Variants in LINGO2 observed in about 807,000 individuals in gnomAD.
The protein encoded by LINGO2 is leucine rich repeat and Ig domain containing 2, also known as leucine-rich repeat and immunoglobulin-like domain-containing nogo receptor-interacting protein 2.
In LINGO2, 14 loss-of-function variants were observed where a neutral mutation model predicts 30.6. The observed-to-expected ratio is 0.46, with a 90% CI of 0.30 to 0.72. The LOEUF (loss-of-function observed/expected upper bound fraction) is 0.72, where lower values mean the gene tolerates loss of function less well. Among genes scored for constraint, LINGO2 ranks in the 30% least tolerant of loss-of-function variants. The probability of loss-of-function intolerance (pLI) is 0.07; values close to 1 mark genes in which losing one functional copy is unlikely to be tolerated. For missense variants in LINGO2, 729 were observed against 751.7 expected (o/e 0.97, Z 0.35); for synonymous variants, 317 against 288.5 (o/e 1.10, Z -1.00).
chr9:28,721,535 C>A, the LINGO2 span, among the ~76,000 whole-genome samples: 13 of 152,092 alleles, frequency 8.5e-5, no homozygotes, highest in African/African-American at 2.9e-4. Context: ...TGGAAACCAT[C>A]ATTCTCAGAA....
At chr9:28,756,634 A>G in the LINGO2 span, among the ~76,000 whole-genome samples, 1 of 151,986 alleles carries the variant, frequency 6.6e-6, no homozygotes, top group African/African-American at 2.4e-5. Context: ...GAGGGACCAC[A>G]TGAGAGAGGT....
chr9:27,984,236 A>G (rs1243690123), intron 5 of LINGO2, among the ~76,000 whole-genome samples: 1 of 151,866 alleles, frequency 6.6e-6, no homozygotes, highest in Non-Finnish European at 1.5e-5. Context: ...AAATTGATCT[A>G]TGAGGGTAAC....
intron 4 of LINGO2, among the ~76,000 whole-genome samples, chr9:28,043,944 T>C (rs944273588): frequency 3.9e-5 from 6 of 152,234 alleles, no homozygotes; most frequent in African/African-American, 1.2e-4. Context: ...ATTGTTCTAT[T>C]GCAGTTGGTT....
At chr9:28,555,535 C>G in intron 1 of LINGO2, among the ~76,000 whole-genome samples, 2 of 151,934 alleles carry the variant, frequency 1.3e-5, no homozygotes, top group Non-Finnish European at 2.9e-5. Flanking sequence ...AGTCCAGGAC[C>G]AGATGGATTC....
chr9:29,191,274 A>G, the LINGO2 span, among the ~76,000 whole-genome samples: 1 of 152,170 alleles, frequency 6.6e-6, no homozygotes, highest in African/African-American at 2.4e-5. Flanking sequence ...TATTGCTATG[A>G]CTTTGGTATA....
the LINGO2 span, among the ~76,000 whole-genome samples, chr9:28,871,424 T>TG: frequency 6.6e-6 from 1 of 151,524 alleles, no homozygotes; most frequent in Non-Finnish European, 1.5e-5. Flanking sequence ...GAATGGAAAG[T>TG]GGGAGGGAAA....
the LINGO2 span, among the ~76,000 whole-genome samples, chr9:28,808,123 T>TG: frequency 6.6e-6 from 1 of 152,180 alleles, no homozygotes; most frequent in Non-Finnish European, 1.5e-5. Context: ...GTTTTTTCTC[T>TG]CAATGCCATT....
At chr9:29,079,240 A>G in the LINGO2 span, among the ~76,000 whole-genome samples, 321 of 152,136 alleles carry the variant, frequency 2.1e-3, 2 homozygotes, top group Non-Finnish European at 2.2e-3. Context: ...CTTTCTACTT[A>G]TGGTATATTG....
intron 4 of LINGO2, among the ~76,000 whole-genome samples, chr9:28,200,598 G>A (rs538577437): frequency 6.6e-6 from 1 of 152,110 alleles, no homozygotes; most frequent in East Asian, 1.9e-4. Context: ...GGCTGCAAAG[G>A]TATGACTCTC....
At chr9:28,143,649 T>C (rs1186210214) in intron 4 of LINGO2, among the ~76,000 whole-genome samples, 3 of 152,068 alleles carry the variant, frequency 2.0e-5, no homozygotes, top group African/African-American at 7.2e-5. Flanking sequence ...TTTTTGTGTA[T>C]GAAACATAAA....
At chr9:27,987,480 C>G (rs752514773) in intron 5 of LINGO2, among the ~76,000 whole-genome samples, 1 of 151,782 alleles carries the variant, frequency 6.6e-6, no homozygotes, top group Non-Finnish European at 1.5e-5. Context: ...ATTAGACTTT[C>G]AATTCTAGCT....
chr9:29,138,294 C>T, the LINGO2 span, among the ~76,000 whole-genome samples: 5 of 150,426 alleles, frequency 3.3e-5, no homozygotes, highest in Non-Finnish European at 7.4e-5. Context: ...TTAAAAGTTC[C>T]CTTCTTTTTC....
At chr9:28,969,598 G>C in the LINGO2 span, among the ~76,000 whole-genome samples, 1 of 152,148 alleles carries the variant, frequency 6.6e-6, no homozygotes, top group African/African-American at 2.4e-5. Context: ...AACCAGTCAG[G>C]AAGTGGCTCT....
intron 2 of LINGO2, among the ~76,000 whole-genome samples, chr9:28,404,591 C>A (rs1288055798): frequency 6.6e-6 from 1 of 152,144 alleles, no homozygotes; most frequent in African/African-American, 2.4e-5. Flanking sequence ...CTGTGCTGAG[C>A]TAAAGCTTGG....
At chr9:28,277,629 C>G (rs2134113122) in intron 4 of LINGO2, among the ~76,000 whole-genome samples, 1 of 152,022 alleles carries the variant, frequency 6.6e-6, no homozygotes, top group East Asian at 1.9e-4. Context: ...CATGGTGAAA[C>G]CCTGTCTCTA....
At chr9:29,071,748 C>G in the LINGO2 span, among the ~76,000 whole-genome samples, 3 of 151,696 alleles carry the variant, frequency 2.0e-5, no homozygotes, top group East Asian at 5.8e-4. Flanking sequence ...TCAGTCAGTG[C>G]TTTCCATAAC....
At chr9:28,217,769 A>G (rs746533051) in intron 4 of LINGO2, among the ~76,000 whole-genome samples, 4 of 152,074 alleles carry the variant, frequency 2.6e-5, no homozygotes, top group African/African-American at 4.8e-5. Flanking sequence ...TCAGTTATTG[A>G]GAAAGTATAT....
chr9:28,070,659 T>C (rs938419109), intron 4 of LINGO2, among the ~76,000 whole-genome samples: 13 of 152,164 alleles, frequency 8.5e-5, no homozygotes, highest in African/African-American at 3.1e-4. Flanking sequence ...CTACTGTAAT[T>C]ATTATGTACT....
At chr9:29,046,844 C>T in the LINGO2 span, among the ~76,000 whole-genome samples, 3 of 152,024 alleles carry the variant, frequency 2.0e-5, no homozygotes, top group South Asian at 2.1e-4. Flanking sequence ...TCTGGGAAGC[C>T]GAGGCAGACA....
Sources: gnomAD v4.1 joint callset for allele counts (sites outside exome capture counted in the v4.1 genomes callset) on GRCh38, gnomAD v4.1.1 for gene constraint, MANE v1.5 for transcripts, NCBI Gene and HGNC (gene_info 2026-07-23, HGNC 2026-07-21) for gene names.